GPR139: variants seen among roughly 807,000 people sequenced by gnomAD.
GPR139 encodes the protein G protein-coupled receptor 139.
A neutral mutation model predicts 25.8 loss-of-function variants in GPR139; 12 were observed. That is an observed-to-expected ratio of 0.47 (90% CI 0.30 to 0.75). The LOEUF (loss-of-function observed/expected upper bound fraction) is 0.75, where lower values mean the gene tolerates loss of function less well. Ranked by LOEUF, GPR139 falls within the 30% of genes least tolerant of loss-of-function variation. The pLI is 0.07. For synonymous variants in GPR139, 184 were observed against 179.9 expected (o/e 1.02, Z -0.18); for missense variants, 380 against 450.2 (o/e 0.84, Z 1.41).
At position 20,031,836 on chromosome 16, in the gene GPR139, T is replaced by C. The variant is rs1168838873; in HGVS notation, c.961A>G (p.Ile321Val). The C allele has an allele frequency of 6.2e-7, 1 of 1,614,220 alleles. No individual in the cohort carries two copies. Among genetic ancestry groups the C allele is most frequent in the Non-Finnish European group, 8.5e-7 (1 of 1,180,036 alleles). Residue 321 changes from isoleucine (I) to valine (V), a missense_variant, in exon 2 of 2, where the codon ATA (isoleucine) becomes GTA (valine). Physicochemically the swap from Ile to Val is conservative, Grantham distance 29. Coordinates refer to ENST00000570682, the MANE Select transcript of GPR139 (RefSeq NM_001002911.4). ...GGCGAGATCCAGGGGCTACTTGTTA[T>C]GGAAAAGTTATGATTGGTGTAGAAC... ...VQFYTNHNFS[I>V]TSSPWISPAN...
chr16:20,073,484 C>A lies in GPR139; in HGVS notation c.127+6G>T. 2 of 1,611,572 alleles carry A rather than the reference C, an allele frequency of 1.2e-6. No homozygotes were observed. Among genetic ancestry groups the A allele is most frequent in the South Asian group, 2.2e-5 (2 of 90,354 alleles). On this transcript the variant is annotated splice_donor_region_variant and intron_variant, in intron 1 of 1. Transcript: ENST00000570682. This position sits in a 1 kb window ranked among gnomAD's most constrained non-coding sequence, Gnocchi z 4.7. ...GGCTTCCCTCCCTCTCCCCCACGCC[C>A]CTCACCTGGTAAACCGAGGCACAGC... is the stretch of plus-strand genomic sequence containing the variant.
Position 20,058,711 on chromosome 16 carries a change from G to A in GPR139, c.127+14779C>T, listed in dbSNP as rs139122840. On this transcript the variant is annotated intron_variant, in intron 1 of 1. Transcript: ENST00000570682. ...CACAGTGACGATGTCCCTCCGTCACGCTGGCCAGAACTCAATCCCTTTTAT... is the reference window on the plus strand; with the variant it reads ...CACAGTGACGATGTCCCTCCGTCACACTGGCCAGAACTCAATCCCTTTTAT... Among the ~76,000 whole-genome samples the A allele has an allele frequency of 7.2e-5, 11 of 152,244 alleles. No individual in the cohort carries two copies. In the East Asian group the frequency reaches 1.7e-3, roughly 24 times the overall value.
At chr16:20,038,325 A>ATGTG (rs748458775) in intron 1 of GPR139, among the ~76,000 whole-genome samples, 16 of 48,930 alleles carry the variant, frequency 3.3e-4, no homozygotes, top group South Asian at 1.9e-3. Flanking sequence ...TGGATAATAT[A>ATGTG]TATATGTGTG....
chr16:20,041,228 GA>G lies in GPR139; in HGVS notation c.128-8560del, dbSNP rs2057332554. Among the ~76,000 whole-genome samples, 2 of 5,056 alleles carry G rather than the reference GA, an allele frequency of 4.0e-4. 1 individual carries two copies. The highest frequency in any genetic ancestry group is 1.5e-3 in the African/African-American group (2 of 1,306). 3.3% of individuals were successfully genotyped at this position (5,056 alleles called of 152,430 possible). ...GAGGAGAGGAGAGGAGAGGAGAGGA[GA>G]GGAGAGGAGAGGAGAGGAGAGGGAA... is the stretch of plus-strand genomic sequence containing the variant. On this transcript the variant is annotated intron_variant, in intron 1 of 1. Transcript: ENST00000570682.
intron 1 of GPR139, among the ~76,000 whole-genome samples, chr16:20,072,022 A>T (rs2057461368): frequency 6.6e-6 from 1 of 152,098 alleles, no homozygotes; most frequent in South Asian, 2.1e-4. Context: ...TCAAAAACTC[A>T]TTTCCCAAAA....
intron 1 of GPR139, among the ~76,000 whole-genome samples, chr16:20,037,434 A>T (rs2057313831): frequency 6.7e-6 from 1 of 149,356 alleles, no homozygotes; most frequent in African/African-American, 2.5e-5. Context: ...CCCAGATTAC[A>T]GAGTAAGACT....
chr16:20,072,837 C>CT (rs1263330242), intron 1 of GPR139, among the ~76,000 whole-genome samples: 9 of 152,206 alleles, frequency 5.9e-5, no homozygotes, highest in Non-Finnish European at 1.2e-4. Flanking sequence ...GAGGTGGCAG[C>CT]CACCGCAGGC....
rs78734626 is a variant in GPR139, at chr16:20,059,142, C to T, written c.127+14348G>A. 1.7e-3 allele frequency among the ~76,000 whole-genome samples: 261 copies of T among 152,300 alleles called. 1 individual carries two copies. Among genetic ancestry groups the T allele is most frequent in the Middle Eastern group, 0.01 (3 of 294 alleles). On this transcript the variant is annotated intron_variant, in intron 1 of 1. Transcript: ENST00000570682. ...ACCCTGGTGATGATCCTCTCTCTGCCCAGCACCCATTAGAACCTCCCTCTC... is the reference window on the plus strand; with the variant it reads ...ACCCTGGTGATGATCCTCTCTCTGCTCAGCACCCATTAGAACCTCCCTCTC...
In GPR139 at chr16:20,032,198, A is replaced by C; in HGVS notation, c.599T>G (p.Phe200Cys). Reference sequence around the variant, plus strand: ...GTACACAATGATTGAGTTCAAGATGAAGAAGATGGAGCAGGGCACCAGGTA... The same window carrying C: ...GTACACAATGATTGAGTTCAAGATGCAGAAGATGGAGCAGGGCACCAGGTA... ...TVYLVPCSIF[F>C]ILNSIIVYKL... is the part of the protein sequence containing the mutation. Residue 200 changes from phenylalanine (F) to cysteine (C), a missense_variant, in exon 2 of 2, where the codon TTC becomes TGC. By Grantham distance (205) the Phe-to-Cys change is radical (BLOSUM62 -2). Transcript: ENST00000570682. 1 of 1,614,172 alleles carries C rather than the reference A, an allele frequency of 6.2e-7. No homozygotes were observed. Among genetic ancestry groups the C allele is most frequent in the South Asian group, 1.1e-5 (1 of 91,068 alleles).
rs369129330 is a variant in GPR139, at chr16:20,038,140, G to A, written c.128-5471C>T. Among the ~76,000 whole-genome samples, 864 of 152,174 alleles carry A rather than the reference G, an allele frequency of 5.7e-3. 13 individuals carry two copies. Among genetic ancestry groups the A allele is most frequent in the African/African-American group, 0.02 (822 of 41,506 alleles). ...GCCTCCCAAAGTGCTGGGATTACAGGCGTGAGCCATCATGCTCAGCCACAA... is the reference window on the plus strand; with the variant it reads ...GCCTCCCAAAGTGCTGGGATTACAGACGTGAGCCATCATGCTCAGCCACAA... On this transcript the variant is annotated intron_variant, in intron 1 of 1. Transcript: ENST00000570682.
At chr16:20,042,200 TATAGGCACA>T (rs2057338848) in intron 1 of GPR139, among the ~76,000 whole-genome samples, 2 of 152,154 alleles carry the variant, frequency 1.3e-5, no homozygotes, top group South Asian at 2.1e-4. Context: ...TATGAAATAA[TATAGGCACA>T]ATAGGCACAG....
At chr16:20,060,697 C>T (rs2057409706) in intron 1 of GPR139, among the ~76,000 whole-genome samples, 1 of 152,178 alleles carries the variant, frequency 6.6e-6, no homozygotes, top group Admixed American at 6.5e-5. Flanking sequence ...AATTTACCTG[C>T]TTTTACAAGG....
At chr16:20,033,991 TA>T (rs201339791) in intron 1 of GPR139, among the ~76,000 whole-genome samples, 2,685 of 151,888 alleles carry the variant, frequency 0.018, 76 homozygotes, top group African/African-American at 0.057. Context: ...GTTTTTTTTT[TA>T]AAAAAAGTCT....
chr16:20,038,972 T>C (rs2057320907), intron 1 of GPR139, among the ~76,000 whole-genome samples: 1 of 152,148 alleles, frequency 6.6e-6, no homozygotes, highest in African/African-American at 2.4e-5. Flanking sequence ...GTCAAACTGA[T>C]CCAAGGATTC....
chr16:20,069,657 T>C (rs1019203618), intron 1 of GPR139, among the ~76,000 whole-genome samples: 1 of 152,188 alleles, frequency 6.6e-6, no homozygotes, highest in Non-Finnish European at 1.5e-5. Flanking sequence ...CTATCATCTC[T>C]TTCCTCACCT....
chr16:20,057,600 C>T (rs2057394556), intron 1 of GPR139, among the ~76,000 whole-genome samples: 1 of 151,746 alleles, frequency 6.6e-6, no homozygotes, highest in Non-Finnish European at 1.5e-5. Flanking sequence ...ATCCCTCCAC[C>T]CATCCCTCCA....
chr16:20,034,814 T>C (rs989550516), intron 1 of GPR139, among the ~76,000 whole-genome samples: 1 of 152,226 alleles, frequency 6.6e-6, no homozygotes, highest in Non-Finnish European at 1.5e-5. Flanking sequence ...GTTCACTCAA[T>C]TGAATGACTA....
chr16:20,041,277 T>C (rs1385985768), intron 1 of GPR139, among the ~76,000 whole-genome samples: 1 of 132,162 alleles, frequency 7.6e-6, no homozygotes, highest in Non-Finnish European at 1.6e-5. Context: ...AGCATCTCTC[T>C]CTGACAAAGT....
At position 20,032,492 on chromosome 16, in the gene GPR139, T is replaced by A; in HGVS notation, c.305A>T (p.Lys102Met). 3 of 1,614,198 alleles carry A rather than the reference T, an allele frequency of 1.9e-6. No individual in the cohort carries two copies. Among genetic ancestry groups the A allele is most frequent in the Non-Finnish European group, 1.7e-6 (2 of 1,180,026 alleles). ...LNMQMPQVPD[K>M]IIEVLEFSSI... ...TGAGAATTCCAGCACTTCTATGATC[T>A]TGTCGGGGACCTGAGGCATCTGCAT... Residue 102 changes from lysine (K) to methionine (M), a missense_variant, in exon 2 of 2, where the codon AAG becomes ATG. Physicochemically the swap from Lys to Met is moderately conservative, Grantham distance 95 (BLOSUM62 -1). Transcript: ENST00000570682.
Sources: allele counts gnomAD v4.1 joint callset (sites outside exome capture counted in the v4.1 genomes callset), GRCh38; gene constraint gnomAD v4.1.1; non-coding constraint Gnocchi (gnomAD v3.1); transcripts MANE v1.5; gene names NCBI Gene and HGNC (gene_info 2026-07-23, HGNC 2026-07-21).